Variants in TMEM117 observed in about 807,000 individuals in gnomAD.
The protein encoded by TMEM117 is transmembrane protein 117.
In TMEM117, 27 loss-of-function variants were observed where a neutral mutation model predicts 52.4. That is an observed-to-expected ratio of 0.51 (90% CI 0.38 to 0.71). The LOEUF (loss-of-function observed/expected upper bound fraction) is 0.71. TMEM117 is among the 30% of genes least tolerant of loss of function. The pLI is 0.00. For synonymous variants in TMEM117, 215 were observed against 206.3 expected, an observed-to-expected ratio of 1.04 and a Z score of -0.36; for missense variants, 556 against 630.5, an observed-to-expected ratio of 0.88 and a Z score of 1.26.
chr12:44,324,322 C>T (rs58264920), intron 6 of TMEM117, among the ~76,000 whole-genome samples: 2,215 of 152,102 alleles, frequency 0.015, 65 homozygotes, highest in African/African-American at 0.05. Flanking sequence ...TTTTCACCAT[C>T]TTCAATATCA....
At chr12:44,328,667 T>C (rs1217345987) in intron 6 of TMEM117, among the ~76,000 whole-genome samples, 7 of 152,132 alleles carry the variant, frequency 4.6e-5, no homozygotes, top group Non-Finnish European at 1.0e-4. Flanking sequence ...TTCAAATCTT[T>C]ATCTTTTTCT....
At chr12:43,799,272 C>T in the TMEM117 span, 3 of 555,104 alleles carry the variant, frequency 5.4e-6, no homozygotes, top group Non-Finnish European at 9.1e-6. Flanking sequence ...TATCTCTAAA[C>T]TAAACGGAAT....
At chr12:44,317,421 T>C (rs765011127) in intron 6 of TMEM117, among the ~76,000 whole-genome samples, 3 of 152,028 alleles carry the variant, frequency 2.0e-5, no homozygotes, top group Non-Finnish European at 4.4e-5. Flanking sequence ...GAGACAAAGT[T>C]TCACACTTGT....
chr12:43,870,977 G>T (rs1054287615), intron 2 of TMEM117, among the ~76,000 whole-genome samples: 3 of 150,872 alleles, frequency 2.0e-5, no homozygotes, highest in Admixed American at 6.6e-5. Flanking sequence ...TAGAGACAGG[G>T]TTTCACCATG....
intron 5 of TMEM117, among the ~76,000 whole-genome samples, chr12:44,299,257 A>C (rs557643988): frequency 3.6e-4 from 55 of 151,844 alleles, no homozygotes; most frequent in African/African-American, 1.1e-3. Context: ...CAGCCTCCCA[A>C]GTAGCTGGGA....
intron 6 of TMEM117, among the ~76,000 whole-genome samples, chr12:44,354,419 G>C (rs1426236218): frequency 6.6e-6 from 1 of 151,772 alleles, no homozygotes; most frequent in African/African-American, 2.4e-5. Flanking sequence ...AAAATCCTCA[G>C]TAAAATACTG....
intron 3 of TMEM117, among the ~76,000 whole-genome samples, chr12:44,032,668 G>A (rs575439607): frequency 2.0e-4 from 31 of 152,276 alleles, no homozygotes; most frequent in Non-Finnish European, 4.0e-4. Context: ...CTTATTAAAT[G>A]TTTTTGTAAA....
chr12:43,946,544 G>A (rs909435200), intron 3 of TMEM117, among the ~76,000 whole-genome samples: 5 of 151,986 alleles, frequency 3.3e-5, no homozygotes, highest in African/African-American at 7.2e-5. Flanking sequence ...TAAAATGAGA[G>A]TTAATAGTTG....
chr12:44,266,003 T>C (rs1285603262), intron 5 of TMEM117, among the ~76,000 whole-genome samples: 2 of 152,200 alleles, frequency 1.3e-5, no homozygotes, highest in African/African-American at 4.8e-5. Context: ...CATGACTTGA[T>C]AGATATTTGG....
At chr12:43,888,866 A>G (rs1317850320) in intron 2 of TMEM117, among the ~76,000 whole-genome samples, 1 of 152,016 alleles carries the variant, frequency 6.6e-6, no homozygotes, top group Admixed American at 6.6e-5. Flanking sequence ...TAATTATTAC[A>G]ACAACTTAAT....
intron 4 of TMEM117, among the ~76,000 whole-genome samples, chr12:44,171,447 C>T (rs1175385327): frequency 1.3e-5 from 2 of 152,116 alleles, no homozygotes; most frequent in African/African-American, 2.4e-5. Context: ...GTGGTGTTTG[C>T]CTAATGGTGA....
At chr12:44,219,407 C>G (rs1040647146) in intron 5 of TMEM117, among the ~76,000 whole-genome samples, 5 of 152,094 alleles carry the variant, frequency 3.3e-5, no homozygotes, top group African/African-American at 9.7e-5. Flanking sequence ...TAGTAACAAT[C>G]AGAACATTCT....
At chr12:44,079,542 C>T (rs376677676) in intron 3 of TMEM117, among the ~76,000 whole-genome samples, 1 of 151,920 alleles carries the variant, frequency 6.6e-6, no homozygotes, top group Admixed American at 6.6e-5. Context: ...TATCATTTGC[C>T]CACTTTTTGA....
chr12:44,295,769 C>T (rs1027556537), intron 5 of TMEM117, among the ~76,000 whole-genome samples: 2 of 151,840 alleles, frequency 1.3e-5, no homozygotes, highest in African/African-American at 2.4e-5. Context: ...TTTCCTCTTC[C>T]ATCCCATTGA....
chr12:44,395,012 C>T, the TMEM117 span, among the ~76,000 whole-genome samples: 1 of 152,304 alleles, frequency 6.6e-6, no homozygotes, highest in Admixed American at 6.5e-5. Flanking sequence ...ATCTGGATAG[C>T]AGTTGACTTC....
intron 2 of TMEM117, among the ~76,000 whole-genome samples, chr12:43,893,514 A>T (rs1344239085): frequency 6.6e-6 from 1 of 152,186 alleles, no homozygotes; most frequent in Admixed American, 6.5e-5. Flanking sequence ...TTTTCAGTGC[A>T]TATTTAAATC....
rs17094278 is a variant in TMEM117 at position 44,215,675 on chromosome 12, T to C, written c.608+4288T>C. Among the ~76,000 whole-genome samples the C allele has an allele frequency of 2.3e-3, 354 of 152,160 alleles. 12 individuals carry two copies. The East Asian group carries it at 0.035, about 15-fold the overall frequency. On this transcript the variant is annotated intron_variant, in intron 5 of 7. Coordinates refer to ENST00000266534, the MANE Select transcript of TMEM117 (RefSeq NM_032256.3). ...GTACTCTCTAGAGAAACAATTTGTA[T>C]GCTTTTGAAGGGAAGAATTTTAGGA... is the stretch of plus-strand genomic sequence containing the variant.
At position 44,381,663 on chromosome 12, in the gene TMEM117, G is replaced by A. The variant is rs182078149; in HGVS notation, c.898+4939G>A. On this transcript the variant is annotated intron_variant, in intron 7 of 7. Coordinates refer to ENST00000266534, the MANE Select transcript of TMEM117 (RefSeq NM_032256.3). ...AAATGGAACATGTAGAAGTAAACAA[G>A]CCTGTATAGTGTCTGTTCTATTTCA... 3.3e-5 allele frequency among the ~76,000 whole-genome samples: 5 copies of A among 152,308 alleles called. No homozygotes were observed. In the East Asian group the frequency reaches 7.7e-4, roughly 23 times the overall value.
At chr12:43,943,246 GT>G (rs987270699) in intron 2 of TMEM117, among the ~76,000 whole-genome samples, 1 of 147,798 alleles carries the variant, frequency 6.8e-6, no homozygotes, top group Non-Finnish European at 1.5e-5. Context: ...TTTAATTGTA[GT>G]TCCTATATGC....
Sources: gnomAD v4.1 joint callset for allele counts (sites outside exome capture counted in the v4.1 genomes callset) on GRCh38, gnomAD v4.1.1 for gene constraint, MANE v1.5 for transcripts, NCBI Gene and HGNC (gene_info 2026-07-23, HGNC 2026-07-21) for gene names.